Variants in ROBO1 observed in about 807,000 individuals in gnomAD.
ROBO1 encodes roundabout guidance receptor 1.
A neutral mutation model predicts 195.9 loss-of-function variants in ROBO1; 149 were observed. The observed-to-expected ratio is 0.76, with a 90% confidence interval of 0.67 to 0.87. The LOEUF is 0.87. ROBO1 is among the 40% of genes least tolerant of loss of function. ROBO1 has a pLI of 0.00. For missense variants in ROBO1, 1,933 were observed against 2,068.3 expected, an observed-to-expected ratio of 0.93 and a Z score of 1.27; for synonymous variants, 816 against 733.2, an observed-to-expected ratio of 1.11 and a Z score of -1.82.
At chr3:78,735,164 A>C (rs2108214140) in intron 5 of ROBO1, among the ~76,000 whole-genome samples, 1 of 152,342 alleles carries the variant, frequency 6.6e-6, no homozygotes, top group South Asian at 2.1e-4. Context: ...GAAGTTAAAT[A>C]TCTTTCACCT....
intron 4 of ROBO1, among the ~76,000 whole-genome samples, chr3:78,872,467 G>A (rs959170861): frequency 6.6e-6 from 1 of 152,174 alleles, no homozygotes; most frequent in African/African-American, 2.4e-5. Flanking sequence ...GAATCCTAAC[G>A]GACTGGGAAA....
intron 2 of ROBO1, among the ~76,000 whole-genome samples, chr3:79,147,988 A>G (rs2080688758): frequency 6.6e-6 from 1 of 151,954 alleles, no homozygotes; most frequent in African/African-American, 2.4e-5. Context: ...GAAAAAGAAC[A>G]TTGAAACTTT....
intron 18 of ROBO1, among the ~76,000 whole-genome samples, chr3:78,655,368 G>C (rs1282330445): frequency 6.6e-6 from 1 of 152,134 alleles, no homozygotes; most frequent in Admixed American, 6.5e-5. Flanking sequence ...ACTGGGAGTA[G>C]TGATGTGTAC....
chr3:78,684,774 ACTG>A (rs2081015368), intron 10 of ROBO1, among the ~76,000 whole-genome samples: 1 of 152,144 alleles, frequency 6.6e-6, no homozygotes, highest in Non-Finnish European at 1.5e-5. Flanking sequence ...TTAGAAAGCA[ACTG>A]CTATTATATT....
At chr3:79,494,287 A>T (rs1939615615) in intron 2 of ROBO1, among the ~76,000 whole-genome samples, 1 of 152,206 alleles carries the variant, frequency 6.6e-6, no homozygotes, top group African/African-American at 2.4e-5. Context: ...AACCTGTAAA[A>T]CACACAAACA....
chr3:79,094,278 G>A (rs3947980), intron 3 of ROBO1, among the ~76,000 whole-genome samples: 151,849 of 152,238 alleles, frequency 1, 75,733 homozygotes, highest in Non-Finnish European at 1. Flanking sequence ...TTAAAATGTT[G>A]AATAAAGATC....
chr3:79,623,677 A>ACAAGAAATATGGGACTT (rs1945080929), intron 1 of ROBO1, among the ~76,000 whole-genome samples: 1 of 152,096 alleles, frequency 6.6e-6, no homozygotes, highest in Non-Finnish European at 1.5e-5. Context: ...AACAAAGACT[A>ACAAGAAATATGGGACTT]CAAGAAATAT....
intron 2 of ROBO1, among the ~76,000 whole-genome samples, chr3:79,433,454 G>T (rs1273023889): frequency 6.6e-6 from 1 of 151,968 alleles, no homozygotes; most frequent in East Asian, 1.9e-4. Context: ...ACAGTGGTGT[G>T]ATTATAGCTC....
chr3:78,818,696 C>G (rs536121362), intron 4 of ROBO1, among the ~76,000 whole-genome samples: 1 of 152,188 alleles, frequency 6.6e-6, no homozygotes, highest in African/African-American at 2.4e-5. Flanking sequence ...CCGGCACTGA[C>G]GGCGAATGAG....
At chr3:79,623,869 A>C (rs1177987502) in intron 1 of ROBO1, among the ~76,000 whole-genome samples, 1 of 152,166 alleles carries the variant, frequency 6.6e-6, no homozygotes, top group Non-Finnish European at 1.5e-5. Context: ...ACTCCATGAG[A>C]AGATCAACCC....
At chr3:78,811,163 A>G (rs1475942089) in intron 4 of ROBO1, among the ~76,000 whole-genome samples, 1 of 152,206 alleles carries the variant, frequency 6.6e-6, no homozygotes, top group East Asian at 1.9e-4. Context: ...ATGGGATTCA[A>G]ATGGAAACCC....
intron 2 of ROBO1, among the ~76,000 whole-genome samples, chr3:79,284,063 C>G (rs1351522915): frequency 6.6e-6 from 1 of 151,952 alleles, no homozygotes; most frequent in Non-Finnish European, 1.5e-5. Context: ...TTTTTCTCAT[C>G]TGATAGGCCT....
At chr3:79,494,039 T>C (rs967450337) in intron 2 of ROBO1, among the ~76,000 whole-genome samples, 4 of 152,226 alleles carry the variant, frequency 2.6e-5, no homozygotes, top group African/African-American at 4.8e-5. Flanking sequence ...TTGAACTATT[T>C]GCTCTAAAAG....
chr3:78,982,384 T>C (rs546185231), intron 3 of ROBO1, among the ~76,000 whole-genome samples: 91 of 152,186 alleles, frequency 6.0e-4, no homozygotes, highest in Non-Finnish European at 1.0e-3. Flanking sequence ...ACAGTGAAGC[T>C]TCAGAGAGGA....
At chr3:79,236,473 T>C (rs1165717204) in intron 2 of ROBO1, among the ~76,000 whole-genome samples, 2 of 152,206 alleles carry the variant, frequency 1.3e-5, no homozygotes, top group Admixed American at 1.3e-4. Flanking sequence ...ATACGAAAAT[T>C]ATATACATAA....
chr3:78,624,491 T>C (rs992281264), intron 26 of ROBO1, among the ~76,000 whole-genome samples: 2 of 152,118 alleles, frequency 1.3e-5, no homozygotes, highest in Non-Finnish European at 2.9e-5. Context: ...GTCAAATTGA[T>C]TGTAAGTGCA....
chr3:79,090,517 A>T (rs1431574919), intron 3 of ROBO1, among the ~76,000 whole-genome samples: 1 of 149,538 alleles, frequency 6.7e-6, no homozygotes, highest in Non-Finnish European at 1.5e-5. Flanking sequence ...TGATGTAAGA[A>T]CTGTGACAGA....
intron 9 of ROBO1, 124 bp from the exon 10 acceptor site, chr3:78,686,041 A>ATG: frequency 7.8e-6 from 6 of 765,548 alleles, no homozygotes; most frequent in Non-Finnish European, 1.2e-5. Flanking sequence ...ACATATGCAT[A>ATG]TGTATCCGTC....
intron 2 of ROBO1, among the ~76,000 whole-genome samples, chr3:79,153,094 CG>C (rs2080800993): frequency 1.3e-5 from 2 of 151,516 alleles, no homozygotes; most frequent in Non-Finnish European, 2.9e-5. Context: ...GTGTGGAGGA[CG>C]GATGTGTGTG....
Sources: gnomAD v4.1 joint callset for allele counts (sites outside exome capture counted in the v4.1 genomes callset) on GRCh38, gnomAD v4.1.1 for gene constraint, MANE v1.5 for transcripts, NCBI Gene and HGNC (gene_info 2026-07-23, HGNC 2026-07-21) for gene names.